CADM2: variants seen among roughly 807,000 people sequenced by gnomAD.
The protein encoded by CADM2 is immunoglobulin superfamily member 4D.
A neutral mutation model predicts 49.8 loss-of-function variants in CADM2; 12 were observed. The ratio of observed to expected loss-of-function variants is 0.24; its 90% CI spans 0.15 to 0.39. The LOEUF (loss-of-function observed/expected upper bound fraction) is 0.39, where lower values mean the gene tolerates loss of function less well. Ranked by LOEUF, CADM2 falls within the 10% of genes least tolerant of loss-of-function variation. The pLI is 1.00. For missense variants in CADM2, 378 were observed against 492.3 expected (o/e 0.77, Z 2.20); for synonymous variants, 214 against 175.4 (o/e 1.22, Z -1.74).
chr3:86,017,569 A>G (rs1732444371), intron 8 of CADM2, among the ~76,000 whole-genome samples: 1 of 151,948 alleles, frequency 6.6e-6, no homozygotes, highest in African/African-American at 2.4e-5. Context: ...CCTCTACAAA[A>G]ACTGCAAAAA....
At chr3:85,403,068 A>G (rs1162668115) in intron 1 of CADM2, among the ~76,000 whole-genome samples, 1 of 152,108 alleles carries the variant, frequency 6.6e-6, no homozygotes, top group Non-Finnish European at 1.5e-5. Flanking sequence ...TGTATTTGCT[A>G]GGTATTAATA....
chr3:85,459,277 G>A (rs57630146), intron 1 of CADM2, among the ~76,000 whole-genome samples: 79,967 of 151,966 alleles, frequency 0.53, 23,181 homozygotes, highest in East Asian at 0.83. Context: ...ACCAAAAAAA[G>A]GGAAAACATT....
chr3:85,750,907 A>G (rs2068832891), intron 2 of CADM2, among the ~76,000 whole-genome samples: 1 of 152,142 alleles, frequency 6.6e-6, no homozygotes, highest in Non-Finnish European at 1.5e-5. Context: ...TGAAAAGCAA[A>G]CATTCATAAC....
intron 1 of CADM2, among the ~76,000 whole-genome samples, chr3:85,676,389 C>T (rs1002534872): frequency 7.9e-5 from 12 of 152,118 alleles, no homozygotes; most frequent in Non-Finnish European, 1.8e-4. Flanking sequence ...TTGATAAGCT[C>T]TCCCTAGAGA....
chr3:85,199,266 T>G (rs2041422700), intron 1 of CADM2, among the ~76,000 whole-genome samples: 1 of 151,888 alleles, frequency 6.6e-6, no homozygotes, highest in Admixed American at 6.6e-5. Flanking sequence ...TATTTATGAA[T>G]TTCTCACAAT....
chr3:85,097,531 G>A (rs2037846212), intron 1 of CADM2, among the ~76,000 whole-genome samples: 2 of 152,250 alleles, frequency 1.3e-5, no homozygotes, highest in Admixed American at 6.5e-5. Context: ...GGGATGGCCG[G>A]GTCAAATGGT....
At chr3:85,332,042 C>G (rs922925472) in intron 1 of CADM2, among the ~76,000 whole-genome samples, 1 of 151,952 alleles carries the variant, frequency 6.6e-6, no homozygotes, top group Non-Finnish European at 1.5e-5. Flanking sequence ...CCTACCCAAG[C>G]CATAGTAAAA....
At chr3:85,661,543 G>A (rs1395607332) in intron 1 of CADM2, among the ~76,000 whole-genome samples, 1 of 152,000 alleles carries the variant, frequency 6.6e-6, no homozygotes, top group Non-Finnish European at 1.5e-5. Context: ...AGGAGAAGGG[G>A]TTGTCTGTCT....
chr3:84,996,418 T>C (rs545067009), intron 1 of CADM2, among the ~76,000 whole-genome samples: 1 of 152,236 alleles, frequency 6.6e-6, no homozygotes, highest in South Asian at 2.1e-4. Flanking sequence ...AATTTTATTA[T>C]GGTGTATACT....
intron 1 of CADM2, among the ~76,000 whole-genome samples, chr3:85,123,853 A>G (rs1397778996): frequency 6.6e-6 from 1 of 152,204 alleles, no homozygotes; most frequent in East Asian, 1.9e-4. Flanking sequence ...TTTCAAAGCA[A>G]AAATTGCACA....
At chr3:85,403,640 T>A (rs1035445534) in intron 1 of CADM2, among the ~76,000 whole-genome samples, 2 of 152,158 alleles carry the variant, frequency 1.3e-5, no homozygotes, top group African/African-American at 4.8e-5. Flanking sequence ...TTTTTATGAA[T>A]GCAACTAGTT....
At chr3:85,229,093 GC>G (rs1259953256) in intron 1 of CADM2, among the ~76,000 whole-genome samples, 1 of 152,200 alleles carries the variant, frequency 6.6e-6, no homozygotes, top group Non-Finnish European at 1.5e-5. Context: ...CTTCCTGGCA[GC>G]TTTATTTACA....
intron 1 of CADM2, among the ~76,000 whole-genome samples, chr3:85,683,799 C>A (rs2066109414): frequency 6.6e-6 from 1 of 152,104 alleles, no homozygotes; most frequent in African/African-American, 2.4e-5. Flanking sequence ...TAGCAGAATA[C>A]AGGTGGTCTA....
At chr3:85,509,981 A>G (rs1003382327) in intron 1 of CADM2, among the ~76,000 whole-genome samples, 5 of 152,038 alleles carry the variant, frequency 3.3e-5, no homozygotes, top group African/African-American at 1.2e-4. Context: ...ATGCCCTCTC[A>G]CAAGAATCTA....
chr3:85,447,267 G>A (rs1244558072), intron 1 of CADM2, among the ~76,000 whole-genome samples: 1 of 151,692 alleles, frequency 6.6e-6, no homozygotes, highest in East Asian at 1.9e-4. Flanking sequence ...TATATGGAAT[G>A]TGACATGAGA....
intron 1 of CADM2, among the ~76,000 whole-genome samples, chr3:85,612,470 T>A (rs1166041778): frequency 1.3e-5 from 2 of 151,874 alleles, no homozygotes; most frequent in East Asian, 3.9e-4. Context: ...CTATTAATAA[T>A]GGAAATTTGA....
intron 1 of CADM2, among the ~76,000 whole-genome samples, chr3:85,130,102 A>T (rs1029943924): frequency 2.6e-5 from 4 of 152,124 alleles, no homozygotes; most frequent in Non-Finnish European, 5.9e-5. Context: ...CATCTTTAAG[A>T]TTATGCACAT....
chr3:85,562,578 G>A (rs1311382258), intron 1 of CADM2, among the ~76,000 whole-genome samples: 1 of 150,410 alleles, frequency 6.6e-6, no homozygotes, highest in Non-Finnish European at 1.5e-5. Context: ...CTGAAACATT[G>A]CTACTTCCCT....
intron 7 of CADM2, among the ~76,000 whole-genome samples, chr3:85,938,444 A>C (rs1050368905): frequency 6.6e-6 from 1 of 152,112 alleles, no homozygotes; most frequent in Non-Finnish European, 1.5e-5. Flanking sequence ...AAAATGAATC[A>C]AAAAGTGGAA....
Sources: allele counts gnomAD v4.1 joint callset (sites outside exome capture counted in the v4.1 genomes callset), GRCh38; gene constraint gnomAD v4.1.1; transcripts MANE v1.5; gene names NCBI Gene and HGNC (gene_info 2026-07-23, HGNC 2026-07-21).